The following CSMD3 variants were observed in gnomAD, a reference collection of about 807,000 sequenced individuals.
CSMD3 encodes CUB and Sushi multiple domains 3.
Under a neutral mutation model 435.2 loss-of-function variants are expected in CSMD3, and 177 were observed. The observed-to-expected ratio is 0.41, with a 90% confidence interval of 0.36 to 0.46. The LOEUF (loss-of-function observed/expected upper bound fraction) is 0.46, where lower values mean the gene tolerates loss of function less well. Ranked by LOEUF, CSMD3 falls within the 20% of genes least tolerant of loss-of-function variation. The probability of loss-of-function intolerance (pLI) is 0.34; values close to 1 mark genes in which losing one functional copy is unlikely to be tolerated. For synonymous variants in CSMD3, 1,656 were observed against 1,520.5 expected, an observed-to-expected ratio of 1.09 and a Z score of -2.07; for missense variants, 4,265 against 4,504.6, an observed-to-expected ratio of 0.95 and a Z score of 1.52.
At chr8:112,620,349 C>T (rs1248233662) in intron 22 of CSMD3, among the ~76,000 whole-genome samples, 1 of 151,944 alleles carries the variant, frequency 6.6e-6, no homozygotes, top group Admixed American at 6.6e-5. Context: ...AGGAGAATGG[C>T]CTTATTTTGA....
chr8:112,947,195 A>G (rs1193555695), intron 9 of CSMD3, among the ~76,000 whole-genome samples: 2 of 151,680 alleles, frequency 1.3e-5, no homozygotes, highest in Non-Finnish European at 3.0e-5. Flanking sequence ...ATTAAAAAGC[A>G]TTATTTGATA....
At chr8:112,904,347 C>CAGTTTAAAGTA (rs1241565254) in intron 10 of CSMD3, among the ~76,000 whole-genome samples, 1 of 151,444 alleles carries the variant, frequency 6.6e-6, no homozygotes, top group Non-Finnish European at 1.5e-5. Flanking sequence ...AACCATTCCA[C>CAGTTTAAAGTA]AGTGTATACT....
At chr8:112,781,463 G>A (rs1439450100) in intron 13 of CSMD3, among the ~76,000 whole-genome samples, 3 of 152,094 alleles carry the variant, frequency 2.0e-5, no homozygotes, top group Admixed American at 6.6e-5. Context: ...CTAGCTCACA[G>A]ACAACATTTC....
At chr8:112,571,806 T>C (rs1372323635) in intron 24 of CSMD3, among the ~76,000 whole-genome samples, 1 of 146,996 alleles carries the variant, frequency 6.8e-6, no homozygotes, top group Non-Finnish European at 1.5e-5. Context: ...GAGGGAGAGG[T>C]TGCAGTAAGC....
At chr8:112,699,683 T>G (rs768842147) in intron 13 of CSMD3, among the ~76,000 whole-genome samples, 9 of 152,208 alleles carry the variant, frequency 5.9e-5, no homozygotes, top group Non-Finnish European at 1.3e-4. Flanking sequence ...TGACGTTGTT[T>G]GCCTCCTGGT....
At chr8:112,331,953 A>G (rs953193557) in intron 45 of CSMD3, among the ~76,000 whole-genome samples, 1 of 152,092 alleles carries the variant, frequency 6.6e-6, no homozygotes, top group Admixed American at 6.6e-5. Flanking sequence ...ATTAACAGGC[A>G]TATCTTCTTG....
At chr8:113,161,777 A>G (rs2092044756) in intron 4 of CSMD3, among the ~76,000 whole-genome samples, 1 of 152,166 alleles carries the variant, frequency 6.6e-6, no homozygotes, top group Admixed American at 6.6e-5. Flanking sequence ...TGTTCAAAAT[A>G]TCTTTGAAAG....
rs541351300 is a variant in CSMD3 at position 112,340,979 on chromosome 8, G to A, written c.6652+498C>T. On this transcript the variant is annotated intron_variant, in intron 42 of 70. Coordinates refer to ENST00000297405, the MANE Select transcript of CSMD3 (RefSeq NM_198123.2). ...TTGCTCAAGGTCATGCAGTAGTTCT[G>A]TTTGAGAGATAGGTCTAATATAACA... Among the ~76,000 whole-genome samples, 3 of 152,106 alleles carry A rather than the reference G, an allele frequency of 2.0e-5. No homozygotes were observed. The East Asian group carries it at 5.8e-4, about 29-fold the overall frequency.
At chr8:112,899,997 T>A (rs903268523) in intron 10 of CSMD3, among the ~76,000 whole-genome samples, 1 of 151,302 alleles carries the variant, frequency 6.6e-6, no homozygotes, top group East Asian at 2.0e-4. Context: ...ACTGATTTCT[T>A]ATTTGTAATT....
chr8:112,403,771 G>A (rs1831533336), intron 35 of CSMD3, among the ~76,000 whole-genome samples: 7 of 152,108 alleles, frequency 4.6e-5, no homozygotes, highest in Admixed American at 3.3e-4. Context: ...GTTGGGGGGC[G>A]GTGGGGTGAG....
chr8:112,351,711 C>A (rs1262374513), intron 39 of CSMD3, among the ~76,000 whole-genome samples: 3 of 151,782 alleles, frequency 2.0e-5, no homozygotes, highest in Non-Finnish European at 4.4e-5. Context: ...GATCTGTTTG[C>A]ACTTCTGAGA....
chr8:112,442,192 C>A (rs1815097964), intron 32 of CSMD3, among the ~76,000 whole-genome samples: 1 of 152,046 alleles, frequency 6.6e-6, no homozygotes, highest in Non-Finnish European at 1.5e-5. Flanking sequence ...CGAGTGTGAA[C>A]TAATGGAGAA....
Position 113,351,997 on chromosome 8 carries a change from T to G in CSMD3, c.179-37204A>C, listed in dbSNP as rs1253294501. ...ACTATGGTATTACTTTACCTTGAAC[T>G]TCCATGAATGTCTGTCTCATCTAGA... is the stretch of plus-strand genomic sequence containing the variant. On this transcript the variant is annotated intron_variant, in intron 1 of 70. Transcript: ENST00000297405. 2.0e-5 allele frequency among the ~76,000 whole-genome samples: 3 copies of G among 152,144 alleles called. No homozygotes were observed. The East Asian group carries it at 5.8e-4, about 29-fold the overall frequency.
At chr8:112,937,642 C>T (rs1480209219) in intron 9 of CSMD3, among the ~76,000 whole-genome samples, 3 of 152,066 alleles carry the variant, frequency 2.0e-5, no homozygotes, top group Non-Finnish European at 4.4e-5. Flanking sequence ...TGAGTTACTG[C>T]CCCCGGCAGG....
At chr8:112,752,236 C>A (rs2077586702) in intron 13 of CSMD3, among the ~76,000 whole-genome samples, 1 of 152,162 alleles carries the variant, frequency 6.6e-6, no homozygotes, top group Non-Finnish European at 1.5e-5. Context: ...TCTCCTCCCT[C>A]ACTGGTCTCT....
chr8:112,645,320 T>G lies in CSMD3; in HGVS notation c.3194-95A>C, dbSNP rs1029924163. ...CCTCTCTTGAATTGAGCAGTCGCATTATCTTTGCTTATGCTACCTCCTAGT... is the reference window on the plus strand; with the variant it reads ...CCTCTCTTGAATTGAGCAGTCGCATGATCTTTGCTTATGCTACCTCCTAGT... On this transcript the variant is annotated intron_variant, in intron 19 of 70. Coordinates refer to ENST00000297405, the MANE Select transcript of CSMD3 (RefSeq NM_198123.2). 9 of 770,636 alleles carry G rather than the reference T, an allele frequency of 1.2e-5. No homozygotes were observed. The African/African-American group carries it at 1.5e-4, about 13-fold the overall frequency. The allele number at this position is 770,636 out of a possible 1,614,324, so 47.7% of individuals were successfully genotyped here. A position where few individuals can be genotyped will look rare whatever the true frequency, so the allele number is the denominator to read the frequency against.
At chr8:113,017,837 C>A (rs530866101) in intron 6 of CSMD3, among the ~76,000 whole-genome samples, 1 of 151,928 alleles carries the variant, frequency 6.6e-6, no homozygotes, top group African/African-American at 2.4e-5. Flanking sequence ...AGTTACCATG[C>A]CTAAACAGCT....
intron 2 of CSMD3, among the ~76,000 whole-genome samples, chr8:113,294,387 CTTTA>C (rs1248080161): frequency 1.3e-5 from 2 of 151,926 alleles, no homozygotes; most frequent in African/African-American, 4.8e-5. Flanking sequence ...CTATACATGA[CTTTA>C]TTTATATTAT....
At chr8:112,638,172 TAATA>T (rs2074715069) in intron 21 of CSMD3, among the ~76,000 whole-genome samples, 2 of 143,426 alleles carry the variant, frequency 1.4e-5, no homozygotes, top group Non-Finnish European at 3.0e-5. Flanking sequence ...AATTCCAGAA[TAATA>T]AATTACTATT....
Sources: gnomAD v4.1 joint callset for allele counts (sites outside exome capture counted in the v4.1 genomes callset) on GRCh38, gnomAD v4.1.1 for gene constraint, MANE v1.5 for transcripts, NCBI Gene and HGNC (gene_info 2026-07-23, HGNC 2026-07-21) for gene names.